Variants in SLC24A2 observed in about 807,000 individuals in gnomAD.
SLC24A2 encodes the protein sodium/potassium/calcium exchanger 2.
In SLC24A2, 36 loss-of-function variants were observed where a neutral mutation model predicts 62.0. That is an observed-to-expected ratio of 0.58 (90% CI 0.44 to 0.77). The LOEUF is 0.77. Among genes scored for constraint, SLC24A2 ranks in the 30% least tolerant of loss-of-function variants. SLC24A2 has a pLI of 0.00. For missense variants in SLC24A2, 846 were observed against 817.9 expected, an observed-to-expected ratio of 1.03 and a Z score of -0.42; for synonymous variants, 358 against 294.0, an observed-to-expected ratio of 1.22 and a Z score of -2.23.
upstream of SLC24A2, among the ~76,000 whole-genome samples, chr9:19,790,023 A>C (rs1299686422): frequency 6.6e-6 from 1 of 152,122 alleles, no homozygotes; most frequent in South Asian, 2.1e-4. Flanking sequence ...CAATAAGTAA[A>C]GGGAAGCCTA....
the SLC24A2 span, among the ~76,000 whole-genome samples, chr9:19,991,005 C>A: frequency 1.6e-5 from 2 of 122,654 alleles, no homozygotes. Flanking sequence ...TGTGTGTATA[C>A]ATATATACAT....
chr9:19,880,538 TCAA>T, the SLC24A2 span, among the ~76,000 whole-genome samples: 2 of 152,160 alleles, frequency 1.3e-5, no homozygotes, highest in South Asian at 4.1e-4. Context: ...GTTTATAAAG[TCAA>T]TGTGAAAATC....
chr9:20,078,520 C>T, the SLC24A2 span, among the ~76,000 whole-genome samples: 1 of 152,152 alleles, frequency 6.6e-6, no homozygotes, highest in Non-Finnish European at 1.5e-5. Context: ...CCCTTCCACC[C>T]TTCCACAAAC....
At chr9:19,559,823 A>G (rs968991614) in intron 7 of SLC24A2, among the ~76,000 whole-genome samples, 3 of 152,238 alleles carry the variant, frequency 2.0e-5, no homozygotes, top group Non-Finnish European at 1.5e-5. Context: ...CATATTGCCT[A>G]ATTAGTGGGA....
the SLC24A2 span, chr9:19,895,952 G>A: frequency 6.2e-7 from 1 of 1,611,440 alleles, no homozygotes; most frequent in South Asian, 1.1e-5. Flanking sequence ...ACGTGCTCCA[G>A]GGAGTCTTGG....
At chr9:19,967,377 A>T in the SLC24A2 span, 3 of 152,036 alleles carry the variant, frequency 2.0e-5, no homozygotes, top group Non-Finnish European at 4.4e-5. Context: ...TTCTTAGCAA[A>T]CTGCTCATTC....
the SLC24A2 span, among the ~76,000 whole-genome samples, chr9:20,007,699 A>T: frequency 6.6e-6 from 1 of 151,964 alleles, no homozygotes; most frequent in East Asian, 1.9e-4. Context: ...GGCATATTCC[A>T]TTAGTTTCTG....
chr9:19,858,391 C>A, the SLC24A2 span, among the ~76,000 whole-genome samples: 2 of 152,114 alleles, frequency 1.3e-5, no homozygotes, highest in Admixed American at 6.6e-5. Flanking sequence ...AAACTTAAAG[C>A]TCTAAAAACT....
chr9:19,711,547 A>G (rs984028040), intron 2 of SLC24A2, among the ~76,000 whole-genome samples: 4 of 152,248 alleles, frequency 2.6e-5, no homozygotes. Context: ...TTCTTATCTT[A>G]GTTTTGTTGT....
At chr9:19,761,113 A>G (rs1483069371) in intron 2 of SLC24A2, among the ~76,000 whole-genome samples, 1 of 152,228 alleles carries the variant, frequency 6.6e-6, no homozygotes, top group East Asian at 1.9e-4. Context: ...ACAGTGCTGC[A>G]GTAAACATGT....
At chr9:20,187,958 T>C in the SLC24A2 span, among the ~76,000 whole-genome samples, 154 of 152,358 alleles carry the variant, frequency 1.0e-3, no homozygotes, top group African/African-American at 3.5e-3. Context: ...AGTTAGACTG[T>C]GCAGATCCTC....
At position 19,786,606 on chromosome 9, in the gene SLC24A2, G is replaced by A. The variant is rs143707718; in HGVS notation, c.261C>T (p.Leu87=). 2.1e-5 allele frequency: 34 copies of A among 1,614,014 alleles called. No individual in the cohort carries two copies. Among genetic ancestry groups the A allele is most frequent in the Non-Finnish European group, 2.7e-5 (32 of 1,180,026 alleles). The part of the protein sequence containing the change: ...RVAQGYHQRT[L]LDLNDKILDY... ...CCAGAATCTTGTCATTTAAATCTAA[G>A]AGAGTTCTCTGATGGTAACCCTGTG... The change falls in exon 2 of 11, where the codon CTC becomes CTT. Residue 87 remains leucine (L), a synonymous_variant. Coordinates refer to ENST00000341998, the MANE Select transcript of SLC24A2 (RefSeq NM_020344.4). The surrounding 1 kb of genome is among the most constrained non-coding windows in gnomAD (Gnocchi z 5.0).
chr9:20,095,336 G>C, the SLC24A2 span, among the ~76,000 whole-genome samples: 1 of 152,190 alleles, frequency 6.6e-6, no homozygotes, highest in Non-Finnish European at 1.5e-5. Flanking sequence ...CCGTCAACTT[G>C]ATTGGCCCAC....
the SLC24A2 span, among the ~76,000 whole-genome samples, chr9:19,829,947 T>A: frequency 6.6e-6 from 1 of 151,942 alleles, no homozygotes; most frequent in African/African-American, 2.4e-5. Context: ...ATTCTCCAGT[T>A]TCAATCTTTC....
At chr9:19,765,161 G>A (rs1400084235) in intron 2 of SLC24A2, among the ~76,000 whole-genome samples, 2 of 151,318 alleles carry the variant, frequency 1.3e-5, no homozygotes, top group Non-Finnish European at 2.9e-5. Context: ...AAATCTTCCT[G>A]CATCCCTTTA....
At chr9:20,194,491 CT>C in the SLC24A2 span, among the ~76,000 whole-genome samples, 1 of 152,022 alleles carries the variant, frequency 6.6e-6, no homozygotes, top group Non-Finnish European at 1.5e-5. Flanking sequence ...AGGTTGGTTA[CT>C]TTTCTTTGAT....
chr9:20,061,760 T>A, the SLC24A2 span, among the ~76,000 whole-genome samples: 1 of 152,124 alleles, frequency 6.6e-6, no homozygotes. Context: ...AGAAGATTTG[T>A]ACGGCCTTTG....
the SLC24A2 span, among the ~76,000 whole-genome samples, chr9:20,245,238 C>G: frequency 1.3e-5 from 2 of 152,078 alleles, no homozygotes; most frequent in African/African-American, 2.4e-5. Flanking sequence ...GTGATTAATA[C>G]CAAGTGACAG....
chr9:20,202,050 G>GGTGTGTGTGTGT, the SLC24A2 span, among the ~76,000 whole-genome samples: 329 of 141,770 alleles, frequency 2.3e-3, no homozygotes, highest in East Asian at 5.5e-3. Context: ...CCCATTTCAT[G>GGTGTGTGTGTGT]GTGTGTGTGT....
Sources: gnomAD v4.1 joint callset for allele counts (sites outside exome capture counted in the v4.1 genomes callset) on GRCh38, gnomAD v4.1.1 for gene constraint, Gnocchi (gnomAD v3.1) non-coding constraint, MANE v1.5 for transcripts, NCBI Gene and HGNC (gene_info 2026-07-23, HGNC 2026-07-21) for gene names.